Variants in EPN1 observed in about 807,000 individuals in gnomAD.
EPN1 encodes epsin-1.
EPN1 carries 25 observed loss-of-function variants against 56.9 expected under a neutral mutation model. That is an observed-to-expected ratio of 0.44 (90% confidence interval 0.32 to 0.61). The LOEUF is 0.61. Among genes scored for constraint, EPN1 ranks in the 20% least tolerant of loss-of-function variants. The probability of loss-of-function intolerance (pLI) is 0.05; values close to 1 mark genes in which losing one functional copy is unlikely to be tolerated. For missense variants in EPN1, 785 were observed against 823.7 expected (o/e 0.95, Z 0.58); for synonymous variants, 411 against 361.8 (o/e 1.14, Z -1.54).
In EPN1 at chr19:55,695,740, A is replaced by C; in HGVS notation, c.*384A>C. The C allele has an allele frequency of 4.9e-6, 1 of 202,378 alleles. No individual in the cohort carries two copies. The highest frequency in any genetic ancestry group is 1.0e-5 in the Non-Finnish European group (1 of 100,400). The allele number at this position is 202,378 out of a possible 1,614,324, so 12.5% of individuals were successfully genotyped here. On this transcript the variant is annotated 3_prime_UTR_variant, in exon 11 of 11. Transcript: ENST00000270460. The surrounding 1 kb of genome is among the most constrained non-coding windows in gnomAD (Gnocchi z 4.4). Reference sequence around the variant, plus strand: ...GGTGATGATTTTGGCAACTTTGGGAATAAATGGCAATTCCCACGGGCTTGG... The same window carrying C: ...GGTGATGATTTTGGCAACTTTGGGACTAAATGGCAATTCCCACGGGCTTGG...
rs1308078434 is a variant in EPN1 at position 55,675,411 on chromosome 19, C to T, written c.-126C>T. On this transcript the variant is annotated 5_prime_UTR_variant, in exon 1 of 11. The change creates a premature stop within an existing upstream ORF in the 5' untranslated region. Transcript: ENST00000270460. The stretch of plus-strand genomic sequence containing the variant: ...CAGGGGGCTGACCGCCATGACCCCC[C>T]AGAGCCCGGCGTGAGGGGGCCGAGG... 6.6e-6 allele frequency: 1 copy of T among 152,058 alleles called. No individual in the cohort carries two copies. The highest frequency in any genetic ancestry group is 1.9e-4 in the East Asian group (1 of 5,142). 9.4% of individuals were successfully genotyped at this position (152,058 alleles called of 1,614,324 possible).
rs956397723 is a variant in EPN1 at position 55,707,735 on chromosome 19, G to C, written c.*12379G>C. On this transcript the variant is annotated 3_prime_UTR_variant, in exon 11 of 11. Coordinates refer to ENST00000270460, the MANE Select transcript of EPN1 (RefSeq NM_001130072.2). The stretch of plus-strand genomic sequence containing the variant: ...AGCATCAAATGAGGCCCACACACAA[G>C]ATTCTCACCCACATGGCCGTGGCAA... 3 of 154,524 alleles carry C rather than the reference G, an allele frequency of 1.9e-5. No homozygotes were observed. Among genetic ancestry groups the C allele is most frequent in the Non-Finnish European group, 4.4e-5 (3 of 68,262 alleles). The allele number at this position is 154,524 out of a possible 1,614,324, so 9.6% of individuals were successfully genotyped here.
At position 55,689,914 on chromosome 19, in the gene EPN1, C is replaced by T. The variant is rs767572552; in HGVS notation, c.726C>T (p.Ile242=). 2.0e-5 allele frequency: 32 copies of T among 1,606,106 alleles called. No individual in the cohort carries two copies. The highest frequency in any genetic ancestry group is 2.3e-5 in the Non-Finnish European group (27 of 1,176,792). The change falls in exon 6 of 11, where the codon ATC becomes ATT. Residue 242 remains isoleucine, a synonymous_variant. Transcript: ENST00000270460. This position sits in a 1 kb window ranked among gnomAD's most constrained non-coding sequence, Gnocchi z 5.7. Reference sequence around the variant, plus strand: ...ATGACCTGCGGCTGCAGATGGCAATCGAGGAGAGCAAGAGGGAGACTGGGG... The same window carrying T: ...ATGACCTGCGGCTGCAGATGGCAATTGAGGAGAGCAAGAGGGAGACTGGGG... The part of the protein sequence containing the change: ...RGDDLRLQMA[I]EESKRETGGK...
Position 55,678,606 on chromosome 19 carries a change from C to T in EPN1, c.-22C>T. 6.3e-7 allele frequency: 1 copy of T among 1,592,832 alleles called. No individual in the cohort carries two copies. Among genetic ancestry groups the T allele is most frequent in the Non-Finnish European group, 8.5e-7 (1 of 1,170,848 alleles). On this transcript the variant is annotated 5_prime_UTR_variant, in exon 2 of 11. Coordinates refer to ENST00000270460, the MANE Select transcript of EPN1 (RefSeq NM_001130072.2). Reference sequence around the variant, plus strand: ...CTCCACGCATCGGGGCCCTGTGCCCCTTGCTGCTGCAGCCGGGCACCATGT... The same window carrying T: ...CTCCACGCATCGGGGCCCTGTGCCCTTTGCTGCTGCAGCCGGGCACCATGT...
chr19:55,689,154 C>T lies in EPN1; in HGVS notation c.604-143C>T. 1.7e-6 allele frequency: 2 copies of T among 1,161,646 alleles called. No individual in the cohort carries two copies. Among genetic ancestry groups the T allele is most frequent in the Non-Finnish European group, 2.4e-6 (2 of 827,582 alleles). 72.0% of individuals were successfully genotyped at this position (1,161,646 alleles called of 1,614,324 possible). On this transcript the variant is annotated intron_variant, in intron 4 of 10. Transcript: ENST00000270460. The surrounding 1 kb of genome is among the most constrained non-coding windows in gnomAD (Gnocchi z 5.7). ...CTGCCTCATCCTCACCCCGCCGTCC[C>T]TCTGCGTGTCACTCTCTGCCTGTCC...
chr19:55,700,629 C>A lies in EPN1; in HGVS notation c.*5273C>A, dbSNP rs10419814. ...TATAGACAATATTATCATAACCACC[C>A]CTGCAAATGCCTCACTCGTGTTCAG... On this transcript the variant is annotated 3_prime_UTR_variant, in exon 11 of 11. Coordinates refer to ENST00000270460, the MANE Select transcript of EPN1 (RefSeq NM_001130072.2). The A allele has an allele frequency of 0.17, 25,865 of 152,070 alleles. 2,370 individuals carry two copies. The highest frequency in any genetic ancestry group is 0.24 in the Middle Eastern group (70 of 292). The allele number at this position is 152,070 out of a possible 1,614,324, so 9.4% of individuals were successfully genotyped here. A position where few individuals can be genotyped will look rare whatever the true frequency, so the allele number is the denominator to read the frequency against.
chr19:55,685,002 T>G (rs1331134790), intron 2 of EPN1, among the ~76,000 whole-genome samples: 1 of 152,230 alleles, frequency 6.6e-6, no homozygotes, highest in East Asian at 1.9e-4. Context: ...CCAGAACGTC[T>G]TCATTGCCCC....
intron 7 of EPN1, 132 bp downstream of exon 7, chr19:55,692,189 G>A: frequency 2.4e-6 from 2 of 821,700 alleles, no homozygotes; most frequent in Non-Finnish European, 3.5e-6. Context: ...GTGCAGGGGA[G>A]GGGGCAAGGG....
At chr19:55,693,350 A>G in intron 9 of EPN1, 1 of 344,636 alleles carries the variant, frequency 2.9e-6, no homozygotes, top group South Asian at 3.4e-5. Flanking sequence ...AGGTGTCTCA[A>G]AGAACACGGA....
Position 55,705,915 on chromosome 19 carries a change from C to T in EPN1, c.*10559C>T, listed in dbSNP as rs1258100844. 1 of 152,540 alleles carries T rather than the reference C, an allele frequency of 6.6e-6. No individual in the cohort carries two copies. Among genetic ancestry groups the T allele is most frequent in the Non-Finnish European group, 1.5e-5 (1 of 68,642 alleles). The allele number at this position is 152,540 out of a possible 1,614,324, so 9.4% of individuals were successfully genotyped here. On this transcript the variant is annotated 3_prime_UTR_variant, in exon 11 of 11. Transcript: ENST00000270460. The stretch of plus-strand genomic sequence containing the variant: ...TGCATTGCAGTGTGTGATCATAGCT[C>T]ACCATGGGATTCTTGATTTTCAGTG...
At chr19:55,679,598 C>A (rs950761435) in intron 2 of EPN1, among the ~76,000 whole-genome samples, 4 of 152,232 alleles carry the variant, frequency 2.6e-5, no homozygotes, top group African/African-American at 4.8e-5. Context: ...CACCCTCATG[C>A]GCTTAGACCT....
chr19:55,685,854 C>G (rs189052569), intron 3 of EPN1, among the ~76,000 whole-genome samples: 66 of 152,360 alleles, frequency 4.3e-4, no homozygotes, highest in African/African-American at 1.4e-3. Context: ...TGGGACCCTT[C>G]CTGCCTCTTG....
At chr19:55,693,410 C>T (rs1986708675) in intron 9 of EPN1, 1 of 166,164 alleles carries the variant, frequency 6.0e-6, no homozygotes, top group Non-Finnish European at 1.3e-5. Flanking sequence ...TGGAAGGCAG[C>T]CGAGGCTCCC....
chr19:55,706,216 T>TCTTC lies in EPN1; in HGVS notation c.*10864_*10867dup, dbSNP rs763072983. On this transcript the variant is annotated 3_prime_UTR_variant, in exon 11 of 11. Coordinates refer to ENST00000270460, the MANE Select transcript of EPN1 (RefSeq NM_001130072.2). ...CCTCCTTTCTTCCTTTATTTTTCTT[T>TCTTC]CTTCCTTTCCTCCTCTTTCTTCTCC... 7.0e-6 allele frequency: 1 copy of TCTTC among 141,846 alleles called. No individual in the cohort carries two copies. The highest frequency in any genetic ancestry group is 1.5e-5 in the Non-Finnish European group (1 of 68,256). 8.8% of individuals were successfully genotyped at this position (141,846 alleles called of 1,614,324 possible).
At position 55,709,072 on chromosome 19, in the gene EPN1, T is replaced by G. The variant is rs192664595; in HGVS notation, c.*13716T>G. 5.4e-4 allele frequency: 838 copies of G among 1,548,906 alleles called. 5 individuals carry two copies. Among genetic ancestry groups the G allele is most frequent in the African/African-American group, 2.7e-4 (19 of 70,742 alleles). Reference sequence around the variant, plus strand: ...GGGAAAATAGAAATAAAGTTTTTTTTTTTGTTTTTCATTTTTACACAGTAT... The same window carrying G: ...GGGAAAATAGAAATAAAGTTTTTTTGTTTGTTTTTCATTTTTACACAGTAT... On this transcript the variant is annotated 3_prime_UTR_variant, in exon 11 of 11. Transcript: ENST00000270460.
At chr19:55,693,093 G>T in intron 9 of EPN1, 56 bp downstream of exon 9, 1 of 1,542,166 alleles carries the variant, frequency 6.5e-7, no homozygotes, top group Middle Eastern at 1.8e-4. Flanking sequence ...CTAGCTCTTC[G>T]GGAGCCCCGT....
Position 55,691,629 on chromosome 19 carries a change from T to C in EPN1, c.763-125T>C. ...TTGGGGCCTGCCTCCCTCTCACCCC[T>C]TATGGATGGCTGCTGTCTGGACACC... is the stretch of plus-strand genomic sequence containing the variant. On this transcript the variant is annotated intron_variant, in intron 6 of 10. Coordinates refer to ENST00000270460, the MANE Select transcript of EPN1 (RefSeq NM_001130072.2). The surrounding 1 kb of genome is among the most constrained non-coding windows in gnomAD (Gnocchi z 5.6). 1 of 797,704 alleles carries C rather than the reference T, an allele frequency of 1.3e-6. No homozygotes were observed. The highest frequency in any genetic ancestry group is 2.2e-5 in the Admixed American group (1 of 45,070). The allele number at this position is 797,704 out of a possible 1,614,324, so 49.4% of individuals were successfully genotyped here.
At chr19:55,685,122 G>A (rs1003535272) in intron 2 of EPN1, among the ~76,000 whole-genome samples, 2 of 152,226 alleles carry the variant, frequency 1.3e-5, no homozygotes, top group Non-Finnish European at 2.9e-5. Flanking sequence ...GATGATTCAC[G>A]TCGATGGAAC....
chr19:55,683,078 G>C (rs1473971526), intron 2 of EPN1, among the ~76,000 whole-genome samples: 1 of 150,296 alleles, frequency 6.7e-6, no homozygotes, highest in East Asian at 2.0e-4. Flanking sequence ...TTCTTGAAAT[G>C]GAGTTTCGCT....
Sources: allele counts gnomAD v4.1 joint callset (sites outside exome capture counted in the v4.1 genomes callset), GRCh38; gene constraint gnomAD v4.1.1; non-coding constraint Gnocchi (gnomAD v3.1); transcripts MANE v1.5; gene names NCBI Gene and HGNC (gene_info 2026-07-23, HGNC 2026-07-21).